CDH13: variants seen among roughly 807,000 people sequenced by gnomAD.
The protein encoded by CDH13 is cadherin 13.
Under a neutral mutation model 63.8 loss-of-function variants are expected in CDH13, and 24 were observed. That is an observed-to-expected ratio of 0.38 (90% CI 0.27 to 0.53). CDH13 has a LOEUF of 0.53. CDH13 is among the 20% of genes least tolerant of loss of function. CDH13 has a pLI of 0.85. For missense variants in CDH13, 1,049 were observed against 903.1 expected (o/e 1.16, Z -2.07); for synonymous variants, 503 against 355.3 (o/e 1.42, Z -4.67).
intron 2 of CDH13, among the ~76,000 whole-genome samples, chr16:83,005,411 C>A (rs1281458384): frequency 6.6e-6 from 1 of 152,136 alleles, no homozygotes; most frequent in African/African-American, 2.4e-5. Flanking sequence ...ACTAAAGTAC[C>A]AAGGTAGGCT....
chr16:82,628,115 C>T (rs1220331314), intron 1 of CDH13, among the ~76,000 whole-genome samples: 2 of 152,216 alleles, frequency 1.3e-5, no homozygotes, highest in East Asian at 1.9e-4. Flanking sequence ...GCCTGGGGTG[C>T]TGGCCGCTGC....
intron 2 of CDH13, among the ~76,000 whole-genome samples, chr16:82,896,275 G>GTTTTTTTTT (rs2041252984): frequency 2.7e-5 from 2 of 73,272 alleles, no homozygotes; most frequent in African/African-American, 5.5e-5. Context: ...CTAGGATTAG[G>GTTTTTTTTT]ATTTTTTTTT....
intron 2 of CDH13, among the ~76,000 whole-genome samples, chr16:82,864,045 G>C (rs1388794826): frequency 6.6e-6 from 1 of 152,174 alleles, no homozygotes; most frequent in Non-Finnish European, 1.5e-5. Context: ...AGTTACAGAA[G>C]AAAAGTCAGT....
At chr16:83,697,948 T>C (rs1157495228) in intron 10 of CDH13, among the ~76,000 whole-genome samples, 1 of 152,212 alleles carries the variant, frequency 6.6e-6, no homozygotes, top group Non-Finnish European at 1.5e-5. Context: ...GCACCCAGCC[T>C]ACAGTAGTTT....
At chr16:82,636,680 C>T (rs1278234166) in intron 1 of CDH13, among the ~76,000 whole-genome samples, 1 of 152,178 alleles carries the variant, frequency 6.6e-6, no homozygotes. Context: ...GGAGAATATT[C>T]AACTGGGTGC....
intron 6 of CDH13, among the ~76,000 whole-genome samples, chr16:83,429,534 A>ACACACACG (rs1477390173): frequency 6.6e-6 from 1 of 151,850 alleles, no homozygotes; most frequent in Admixed American, 6.6e-5. Flanking sequence ...ACACACACAC[A>ACACACACG]CTCACACAGC....
At chr16:83,320,250 T>A (rs2090192904) in intron 5 of CDH13, among the ~76,000 whole-genome samples, 1 of 152,118 alleles carries the variant, frequency 6.6e-6, no homozygotes, top group African/African-American at 2.4e-5. Flanking sequence ...CTCATTCTGT[T>A]GCCCAGGCTA....
intron 1 of CDH13, among the ~76,000 whole-genome samples, chr16:82,663,530 C>G (rs12445602): frequency 0.46 from 70,467 of 152,028 alleles, 16,776 homozygotes; most frequent in East Asian, 0.71. Flanking sequence ...CCTAGTGACT[C>G]CCCTAGAAAT....
chr16:82,771,115 TTG>T (rs1380166399), intron 1 of CDH13, among the ~76,000 whole-genome samples: 1 of 152,252 alleles, frequency 6.6e-6, no homozygotes, highest in African/African-American at 2.4e-5. Context: ...CCCTTTTATA[TTG>T]TTTTATAATT....
In CDH13 at chr16:83,602,516, T is replaced by C; in HGVS notation, c.1023T>C (p.Val341=). The change falls in exon 8 of 14, where the codon GTT becomes GTC. Residue 341 remains valine (V), a synonymous_variant. Transcript: ENST00000567109. ...IEAQDMAGLD[V]GLTGTATATI... ...CTCAAGATATGGCTGGACTGGATGTTGGATTAACAGGCACGGCCACAGCCA... is the reference window on the plus strand; with the variant it reads ...CTCAAGATATGGCTGGACTGGATGTCGGATTAACAGGCACGGCCACAGCCA... 1 of 1,613,956 alleles carries C rather than the reference T, an allele frequency of 6.2e-7. No homozygotes were observed. The highest frequency in any genetic ancestry group is 1.6e-4 in the Middle Eastern group (1 of 6,062).
intron 10 of CDH13, among the ~76,000 whole-genome samples, chr16:83,723,374 T>TTGAG (rs1294635457): frequency 1.3e-5 from 2 of 152,224 alleles, no homozygotes; most frequent in African/African-American, 4.8e-5. Flanking sequence ...GAGCCAAGAT[T>TTGAG]TGAGTGTGCT....
At chr16:82,842,145 T>TATATATATATAC (rs2039055673) in intron 1 of CDH13, among the ~76,000 whole-genome samples, 2 of 27,594 alleles carry the variant, frequency 7.2e-5, no homozygotes, top group African/African-American at 1.2e-4. Flanking sequence ...TATACACATA[T>TATATATATATAC]ATATATATAT....
intron 6 of CDH13, chr16:83,397,403 A>C (rs2091904122): frequency 6.6e-6 from 1 of 152,210 alleles, no homozygotes; most frequent in Admixed American, 6.5e-5. Flanking sequence ...AATTTGAGAA[A>C]ATACTAGAAA....
chr16:83,380,676 G>C (rs1463488082), intron 6 of CDH13, among the ~76,000 whole-genome samples: 1 of 152,064 alleles, frequency 6.6e-6, no homozygotes, highest in Admixed American at 6.5e-5. Context: ...TGGCTGATTG[G>C]AGCTCCAGCC....
At chr16:83,647,235 G>A (rs1042264618) in intron 8 of CDH13, among the ~76,000 whole-genome samples, 1 of 151,394 alleles carries the variant, frequency 6.6e-6, no homozygotes, top group African/African-American at 2.4e-5. Context: ...GCATGAACCC[G>A]GGAGGCGGAG....
In CDH13 at chr16:83,113,643, G is replaced by A. The variant is rs145169939; in HGVS notation, c.367-11742G>A. Among the ~76,000 whole-genome samples the A allele has an allele frequency of 1.1e-4, 16 of 152,316 alleles. No individual in the cohort carries two copies. The East Asian group carries it at 2.9e-3, about 28-fold the overall frequency. The stretch of plus-strand genomic sequence containing the variant: ...GGGCTCTAGGGGAAAAAGGCAAAGT[G>A]CAGCCAATCCTCATAGCAAAAGAGA... On this transcript the variant is annotated intron_variant, in intron 3 of 13. Coordinates refer to ENST00000567109, the MANE Select transcript of CDH13 (RefSeq NM_001257.5).
intron 3 of CDH13, among the ~76,000 whole-genome samples, chr16:83,064,417 T>G (rs1489377238): frequency 6.6e-6 from 1 of 152,150 alleles, no homozygotes; most frequent in South Asian, 2.1e-4. Context: ...GGAACAGATT[T>G]TTTAGCAACA....
chr16:83,526,489 T>C (rs1266573543), intron 7 of CDH13, among the ~76,000 whole-genome samples: 2 of 152,204 alleles, frequency 1.3e-5, no homozygotes, highest in Non-Finnish European at 2.9e-5. Context: ...GCATGCACAG[T>C]TCACAATAGG....
chr16:83,381,193 A>G (rs993050078), intron 6 of CDH13, among the ~76,000 whole-genome samples: 2 of 152,038 alleles, frequency 1.3e-5, no homozygotes, highest in Admixed American at 6.6e-5. Flanking sequence ...ATTTTAGCAA[A>G]TGTACCTTTT....
Sources: allele counts gnomAD v4.1 joint callset (sites outside exome capture counted in the v4.1 genomes callset), GRCh38; gene constraint gnomAD v4.1.1; transcripts MANE v1.5; gene names NCBI Gene and HGNC (gene_info 2026-07-23, HGNC 2026-07-21).